Variants in COMMD1 observed in about 807,000 individuals in gnomAD.
The protein encoded by COMMD1 is copper metabolism domain containing 1, also known as COMM domain-containing protein 1.
COMMD1 carries 10 observed loss-of-function variants against 17.2 expected under a neutral mutation model. The ratio of observed to expected loss-of-function variants is 0.58; its 90% CI spans 0.36 to 0.99. The LOEUF is 0.99. Among genes scored for constraint, COMMD1 ranks in the 50% least tolerant of loss-of-function variants. The pLI, the probability that COMMD1 is intolerant of heterozygous loss-of-function variation, is 0.01. For missense variants in COMMD1, 270 were observed against 231.8 expected, an observed-to-expected ratio of 1.17 and a Z score of -1.07; for synonymous variants, 97 against 91.6, an observed-to-expected ratio of 1.06 and a Z score of -0.34.
intron 1 of COMMD1, among the ~76,000 whole-genome samples, chr2:61,963,250 C>A (rs957734120): frequency 1.3e-5 from 2 of 151,004 alleles, no homozygotes; most frequent in African/African-American, 4.9e-5. Context: ...CACACACACA[C>A]ATATATATTT....
chr2:62,108,583 C>T (rs928270541), intron 2 of COMMD1, among the ~76,000 whole-genome samples: 1 of 151,966 alleles, frequency 6.6e-6, no homozygotes, highest in African/African-American at 2.4e-5. Context: ...CATCTATGGG[C>T]TAATAATAAT....
intron 1 of COMMD1, among the ~76,000 whole-genome samples, chr2:61,929,047 T>C (rs1350036367): frequency 6.6e-6 from 1 of 152,232 alleles, no homozygotes; most frequent in Non-Finnish European, 1.5e-5. Flanking sequence ...GCGGAGTTCA[T>C]TGGTTCCAGA....
At chr2:62,077,337 G>C (rs558195749) in intron 2 of COMMD1, among the ~76,000 whole-genome samples, 1 of 152,314 alleles carries the variant, frequency 6.6e-6, no homozygotes, top group East Asian at 1.9e-4. Flanking sequence ...GGAACAAATA[G>C]TGAATTTTAA....
intron 1 of COMMD1, among the ~76,000 whole-genome samples, chr2:61,891,652 C>T (rs1432275598): frequency 1.3e-5 from 2 of 151,750 alleles, no homozygotes; most frequent in South Asian, 2.1e-4. Flanking sequence ...CACTTGAACT[C>T]GGGAGGCAGA....
rs147836685 is a variant in COMMD1, at chr2:62,011,121, C to A, written c.462+10139C>A. On this transcript the variant is annotated intron_variant, in intron 2 of 2. Transcript: ENST00000311832. The stretch of plus-strand genomic sequence containing the variant: ...GCTAGCCTTTTCACTTCCTTAAAGT[C>A]TTTTGTTTTTTTTAATCACCTTCTC... 3.8e-3 allele frequency among the ~76,000 whole-genome samples: 584 copies of A among 152,228 alleles called. 4 individuals carry two copies. Among genetic ancestry groups the A allele is most frequent in the African/African-American group, 0.012 (518 of 41,550 alleles).
intron 2 of COMMD1, among the ~76,000 whole-genome samples, chr2:62,097,162 A>G (rs1456177371): frequency 6.6e-6 from 1 of 152,186 alleles, no homozygotes; most frequent in Non-Finnish European, 1.5e-5. Context: ...TTATTATTTT[A>G]TTTATAGCTC....
intron 2 of COMMD1, among the ~76,000 whole-genome samples, chr2:62,053,818 C>T (rs1204231877): frequency 3.9e-5 from 6 of 152,020 alleles, no homozygotes; most frequent in Non-Finnish European, 8.8e-5. Flanking sequence ...TTGTTTTTGT[C>T]AATTTAAAAT....
At chr2:62,064,884 G>A (rs1290092327) in intron 2 of COMMD1, among the ~76,000 whole-genome samples, 1 of 152,160 alleles carries the variant, frequency 6.6e-6, no homozygotes, top group Admixed American at 6.5e-5. Context: ...AATCTATGCT[G>A]TGCCAGGTGC....
intron 2 of COMMD1, among the ~76,000 whole-genome samples, chr2:62,087,920 A>T (rs1325144956): frequency 6.6e-6 from 1 of 152,106 alleles, no homozygotes; most frequent in Non-Finnish European, 1.5e-5. Flanking sequence ...CACTGTCTCT[A>T]CTTTTTCACT....
chr2:62,058,828 T>G (rs529854927), intron 2 of COMMD1, among the ~76,000 whole-genome samples: 2 of 152,304 alleles, frequency 1.3e-5, no homozygotes, highest in Admixed American at 6.5e-5. Context: ...TTGTCCAGGC[T>G]GGAGTGCAAT....
chr2:61,896,720 A>C (rs562419145), intron 1 of COMMD1, among the ~76,000 whole-genome samples: 4 of 152,316 alleles, frequency 2.6e-5, no homozygotes, highest in African/African-American at 9.6e-5. Context: ...GCACCTAAAA[A>C]ACAGCAGATG....
chr2:62,003,605 TACACACACACACACACACACAC>T (rs57628894), intron 2 of COMMD1, among the ~76,000 whole-genome samples: 14 of 146,260 alleles, frequency 9.6e-5, no homozygotes, highest in African/African-American at 3.2e-4. Context: ...CAGATATTTT[TACACACACACACACACACACAC>T]ACACACACAC....
intron 1 of COMMD1, among the ~76,000 whole-genome samples, chr2:61,923,634 A>C (rs1440229689): frequency 6.6e-6 from 1 of 152,190 alleles, no homozygotes; most frequent in Non-Finnish European, 1.5e-5. Flanking sequence ...ACCATGTGAG[A>C]TAAGATGATA....
intron 1 of COMMD1, among the ~76,000 whole-genome samples, chr2:61,969,903 T>C (rs112538421): frequency 8.5e-5 from 13 of 152,062 alleles, no homozygotes; most frequent in Admixed American, 4.6e-4. Flanking sequence ...ATGTTTTTTT[T>C]CTTGCAATAT....
intron 1 of COMMD1, among the ~76,000 whole-genome samples, chr2:61,933,720 T>C (rs1048710015): frequency 6.6e-6 from 1 of 152,150 alleles, no homozygotes; most frequent in African/African-American, 2.4e-5. Context: ...TATTCAGTTA[T>C]AGTAAAAGAA....
intron 2 of COMMD1, among the ~76,000 whole-genome samples, chr2:62,112,547 A>T (rs1410856757): frequency 6.6e-6 from 1 of 152,250 alleles, no homozygotes; most frequent in African/African-American, 2.4e-5. Flanking sequence ...GGGACGGGGT[A>T]TGTGTAACAA....
intron 2 of COMMD1, among the ~76,000 whole-genome samples, chr2:62,053,181 TG>T (rs1369772033): frequency 6.6e-6 from 1 of 151,990 alleles, no homozygotes; most frequent in Non-Finnish European, 1.5e-5. Context: ...CACAAAATAA[TG>T]AGAGGAAGAT....
intron 1 of COMMD1, among the ~76,000 whole-genome samples, chr2:61,919,414 C>G (rs1670129307): frequency 6.6e-6 from 1 of 151,770 alleles, no homozygotes; most frequent in Non-Finnish European, 1.5e-5. Flanking sequence ...CGCCCGGGCT[C>G]AAGCGATCCT....
chr2:62,010,046 A>T (rs1376308935), intron 2 of COMMD1, among the ~76,000 whole-genome samples: 1 of 152,230 alleles, frequency 6.6e-6, no homozygotes, highest in African/African-American at 2.4e-5. Context: ...ATAATAAGTG[A>T]TATTTAATAT....
Sources: allele counts gnomAD v4.1 joint callset (sites outside exome capture counted in the v4.1 genomes callset), GRCh38; gene constraint gnomAD v4.1.1; transcripts MANE v1.5; gene names NCBI Gene and HGNC (gene_info 2026-07-23, HGNC 2026-07-21).